The following LIPC variants were observed in gnomAD, a reference collection of about 807,000 sequenced individuals.
LIPC encodes hepatic triacylglycerol lipase.
LIPC carries 44 observed loss-of-function variants against 50.7 expected under a neutral mutation model. That is an observed-to-expected ratio of 0.87 (90% confidence interval 0.68 to 1.11). LIPC has a LOEUF of 1.11. Ranked by LOEUF, LIPC falls within the 50% of genes most tolerant of loss-of-function variation. LIPC has a pLI of 0.00. For missense variants in LIPC, 697 were observed against 648.2 expected (o/e 1.08, Z -0.82); for synonymous variants, 271 against 256.4 (o/e 1.06, Z -0.54).
chr15:58,473,563 G>C (rs1890881555), intron 1 of LIPC: 2 of 152,226 alleles, frequency 1.3e-5, no homozygotes, highest in Admixed American at 6.5e-5. Context: ...GGTAGGAGGA[G>C]AAAAAACTGC....
rs115408618 is a variant in LIPC, at chr15:58,561,166, G to C, written c.1169+185G>C. On this transcript the variant is annotated intron_variant, in intron 7 of 8. Coordinates refer to ENST00000299022, the MANE Select transcript of LIPC (RefSeq NM_000236.3). ...TTTTGCCAAGGTTAAAGACATTACC[G>C]TGACACAGCCTCAGGAGGTCCTGGT... Among the ~76,000 whole-genome samples the C allele has an allele frequency of 6.2e-3, 951 of 152,246 alleles. 11 individuals are homozygous for C. Among genetic ancestry groups the C allele is most frequent in the African/African-American group, 0.022 (912 of 41,536 alleles).
chr15:58,554,543 T>G (rs1893866450), intron 6 of LIPC, among the ~76,000 whole-genome samples: 1 of 114,616 alleles, frequency 8.7e-6, no homozygotes, highest in Non-Finnish European at 1.7e-5. Context: ...AAATTGTCTT[T>G]TCTTTTCTTC....
intron 1 of LIPC, among the ~76,000 whole-genome samples, chr15:58,453,697 T>C (rs1204435469): frequency 6.6e-6 from 1 of 151,404 alleles, no homozygotes; most frequent in East Asian, 1.9e-4. Flanking sequence ...CCCCATGAGG[T>C]CAAGACCAGC....
intron 1 of LIPC, among the ~76,000 whole-genome samples, chr15:58,534,345 C>T (rs1374045614): frequency 1.3e-5 from 2 of 152,124 alleles, no homozygotes; most frequent in Non-Finnish European, 2.9e-5. Flanking sequence ...CCCAAGTGTC[C>T]TAAGTGTTCT....
intron 1 of LIPC, among the ~76,000 whole-genome samples, chr15:58,474,886 T>C (rs1473950988): frequency 6.6e-6 from 1 of 152,184 alleles, no homozygotes; most frequent in East Asian, 1.9e-4. Context: ...ACCTGCCCCA[T>C]CCCAGAGAGC....
chr15:58,515,880 T>G (rs7163555), intron 1 of LIPC, among the ~76,000 whole-genome samples: 18,442 of 152,166 alleles, frequency 0.12, 1,224 homozygotes, highest in Middle Eastern at 0.17. Context: ...AAAATATGTA[T>G]TCAGTGTGTT....
At position 58,501,851 on chromosome 15, in the gene LIPC, C is replaced by T. The variant is rs377661456; in HGVS notation, c.89-36482C>T. Among the ~76,000 whole-genome samples the T allele has an allele frequency of 9.5e-4, 145 of 152,276 alleles. 1 individual carries two copies. In the South Asian group the frequency reaches 0.029, roughly 31 times the overall value. On this transcript the variant is annotated intron_variant, in intron 1 of 8. Coordinates refer to ENST00000299022, the MANE Select transcript of LIPC (RefSeq NM_000236.3). Reference sequence around the variant, plus strand: ...ACTGATGCTATCTTGGAGCCTCTGCCTCTCCACCCTTCAGGAATGTTCTGC... The same window carrying T: ...ACTGATGCTATCTTGGAGCCTCTGCTTCTCCACCCTTCAGGAATGTTCTGC...
At chr15:58,517,874 G>A (rs1395814744) in intron 1 of LIPC, among the ~76,000 whole-genome samples, 4 of 152,210 alleles carry the variant, frequency 2.6e-5, no homozygotes, top group African/African-American at 4.8e-5. Context: ...AGTGACAGAC[G>A]AGGAAATCAG....
At chr15:58,492,385 A>T (rs747903935) in intron 1 of LIPC, among the ~76,000 whole-genome samples, 1 of 152,206 alleles carries the variant, frequency 6.6e-6, no homozygotes, top group Non-Finnish European at 1.5e-5. Flanking sequence ...ACATAGCCAT[A>T]ATATAAACAC....
intron 1 of LIPC, among the ~76,000 whole-genome samples, chr15:58,460,488 C>A (rs1294851069): frequency 6.6e-6 from 1 of 152,236 alleles, no homozygotes; most frequent in Non-Finnish European, 1.5e-5. Flanking sequence ...TACTGCGTGC[C>A]AGACACTCTA....
chr15:58,475,887 G>T lies in LIPC; in HGVS notation c.88+43767G>T, dbSNP rs571101031. Reference sequence around the variant, plus strand: ...GCATTTCCTATGTGCCAGGAACTACGTGAAGCTCTAGATTCTGTCATTAGA... The same window carrying T: ...GCATTTCCTATGTGCCAGGAACTACTTGAAGCTCTAGATTCTGTCATTAGA... On this transcript the variant is annotated intron_variant, in intron 1 of 8. Transcript: ENST00000299022. Among the ~76,000 whole-genome samples, 12 of 152,320 alleles carry T rather than the reference G, an allele frequency of 7.9e-5. 1 individual carries two copies. In the South Asian group the frequency reaches 2.5e-3, roughly 32 times the overall value.
intron 1 of LIPC, among the ~76,000 whole-genome samples, chr15:58,512,380 G>T (rs1467894288): frequency 6.6e-6 from 1 of 152,190 alleles, no homozygotes; most frequent in African/African-American, 2.4e-5. Flanking sequence ...GGGATTACAG[G>T]CATGAGCCAC....
intron 1 of LIPC, chr15:58,435,162 TG>T (rs1893251532): frequency 6.6e-6 from 1 of 152,242 alleles, no homozygotes; most frequent in Non-Finnish European, 1.5e-5. Context: ...AAAAATAACT[TG>T]TATTTTCCAA....
rs532836819 is a variant in LIPC, at chr15:58,438,667, GC to G, written c.88+6550del. 2.2e-4 allele frequency among the ~76,000 whole-genome samples: 33 copies of G among 152,324 alleles called. No individual in the cohort carries two copies. In the South Asian group the frequency reaches 6.6e-3, roughly 31 times the overall value. ...GAGAAGACCAAATCCAGTCACTCCA[GC>G]CCTGGAGGAGTCAGGGCGCCCACCC... On this transcript the variant is annotated intron_variant, in intron 1 of 8. Coordinates refer to ENST00000299022, the MANE Select transcript of LIPC (RefSeq NM_000236.3).
intron 7 of LIPC, among the ~76,000 whole-genome samples, chr15:58,562,882 G>A (rs1446980301): frequency 7.0e-6 from 1 of 142,856 alleles, no homozygotes; most frequent in Non-Finnish European, 1.5e-5. Flanking sequence ...ATCTCTCCCA[G>A]GGGATGGTTC....
At chr15:58,524,457 T>G (rs1331925220) in intron 1 of LIPC, among the ~76,000 whole-genome samples, 1 of 152,234 alleles carries the variant, frequency 6.6e-6, no homozygotes, top group Non-Finnish European at 1.5e-5. Context: ...TAGAGTCCCA[T>G]GCAGGAAATG....
At chr15:58,485,408 A>T (rs35771822) in intron 1 of LIPC, among the ~76,000 whole-genome samples, 1 of 152,078 alleles carries the variant, frequency 6.6e-6, no homozygotes, top group Non-Finnish European at 1.5e-5. Context: ...TGTTTGTCAC[A>T]GGTTTGTTGG....
At position 58,489,210 on chromosome 15, in the gene LIPC, TTTGTTG is replaced by T. The variant is rs1891482092; in HGVS notation, c.89-49122_89-49117del. On this transcript the variant is annotated intron_variant, in intron 1 of 8. Transcript: ENST00000299022. ...TGAAATTCAACCATTAGGGATTCAT[TTTGTTG>T]CGGGGGCGGGGGGGCGGCTTACAAG... 1.4e-3 allele frequency among the ~76,000 whole-genome samples: 18 copies of T among 12,996 alleles called. 1 individual carries two copies. The highest frequency in any genetic ancestry group is 0.033 in the Middle Eastern group (1 of 30). The allele number at this position is 12,996 out of a possible 152,430, so 8.5% of individuals were successfully genotyped here.
intron 6 of LIPC, among the ~76,000 whole-genome samples, chr15:58,557,118 T>C (rs1488138375): frequency 6.6e-6 from 1 of 152,184 alleles, no homozygotes; most frequent in Non-Finnish European, 1.5e-5. Context: ...AAGCTAGTGG[T>C]CCTGGGTATA....
Sources: gnomAD v4.1 joint callset for allele counts (sites outside exome capture counted in the v4.1 genomes callset) on GRCh38, gnomAD v4.1.1 for gene constraint, MANE v1.5 for transcripts, NCBI Gene and HGNC (gene_info 2026-07-23, HGNC 2026-07-21) for gene names.